The following GAREM1 variants were observed in gnomAD, a reference collection of about 807,000 sequenced individuals.
GAREM1 encodes GRB2 associated regulator of MAPK1 subtype 1.
A neutral mutation model predicts 71.3 loss-of-function variants in GAREM1; 26 were observed. The observed-to-expected ratio is 0.36, with a 90% CI of 0.27 to 0.51. The LOEUF (loss-of-function observed/expected upper bound fraction) is 0.51. GAREM1 is among the 20% of genes least tolerant of loss of function. GAREM1 has a pLI of 0.95. For synonymous variants in GAREM1, 440 were observed against 433.2 expected (o/e 1.02, Z -0.20); for missense variants, 1,026 against 1,103.1 (o/e 0.93, Z 0.99).
At chr18:32,428,647 A>G (rs1423818661) in intron 1 of GAREM1, among the ~76,000 whole-genome samples, 1 of 152,212 alleles carries the variant, frequency 6.6e-6, no homozygotes, top group Non-Finnish European at 1.5e-5. Context: ...TGAACCAATT[A>G]GACCTCTTTT....
chr18:32,374,992 C>T lies in GAREM1; in HGVS notation c.262+17903G>A, dbSNP rs188933945. On this transcript the variant is annotated intron_variant, in intron 2 of 5. Coordinates refer to ENST00000269209, the MANE Select transcript of GAREM1 (RefSeq NM_001242409.2). Reference sequence around the variant, plus strand: ...TTATTTCAAGCACAAAAGACATCTACTTTCTCCTAAAGAAGAAGCTAAATA... The same window carrying T: ...TTATTTCAAGCACAAAAGACATCTATTTTCTCCTAAAGAAGAAGCTAAATA... 7.7e-4 allele frequency among the ~76,000 whole-genome samples: 117 copies of T among 152,268 alleles called. 1 individual carries two copies. The East Asian group carries it at 0.018, about 24-fold the overall frequency.
At chr18:32,299,860 A>G (rs2047182541) in intron 3 of GAREM1, among the ~76,000 whole-genome samples, 1 of 152,214 alleles carries the variant, frequency 6.6e-6, no homozygotes, top group Non-Finnish European at 1.5e-5. Flanking sequence ...CAAGAAGCAA[A>G]TAAGACAGCA....
chr18:32,276,966 C>T (rs113632859), intron 4 of GAREM1, among the ~76,000 whole-genome samples: 1 of 152,062 alleles, frequency 6.6e-6, no homozygotes, highest in South Asian at 2.1e-4. Flanking sequence ...GTCAAGGAAG[C>T]CAAGGGAGGG....
At chr18:32,326,398 G>A (rs2047475611) in intron 2 of GAREM1, among the ~76,000 whole-genome samples, 1 of 152,120 alleles carries the variant, frequency 6.6e-6, no homozygotes, top group South Asian at 2.1e-4. Context: ...ATGCTTGTTA[G>A]GAATCAGTCA....
intron 2 of GAREM1, among the ~76,000 whole-genome samples, chr18:32,361,565 G>A (rs2047866264): frequency 6.6e-6 from 1 of 152,126 alleles, no homozygotes; most frequent in Non-Finnish European, 1.5e-5. Context: ...TTTACACAGA[G>A]AATTAGTTTC....
At chr18:32,369,683 C>G (rs1478415190) in intron 2 of GAREM1, among the ~76,000 whole-genome samples, 1 of 152,212 alleles carries the variant, frequency 6.6e-6, no homozygotes, top group Non-Finnish European at 1.5e-5. Flanking sequence ...CATTCAAGCA[C>G]ATTTCTTTAA....
At chr18:32,348,569 C>A (rs568126978) in intron 2 of GAREM1, among the ~76,000 whole-genome samples, 1 of 151,722 alleles carries the variant, frequency 6.6e-6, no homozygotes, top group African/African-American at 2.4e-5. Context: ...ACTAAAAATA[C>A]GAAAATTAGC....
intron 2 of GAREM1, among the ~76,000 whole-genome samples, chr18:32,321,397 G>A (rs966776326): frequency 5.9e-5 from 9 of 152,082 alleles, no homozygotes. Flanking sequence ...GTGCATGGCC[G>A]TCTTCCTCTC....
At chr18:32,346,633 T>C (rs1278299880) in intron 2 of GAREM1, among the ~76,000 whole-genome samples, 1 of 152,238 alleles carries the variant, frequency 6.6e-6, no homozygotes, top group Non-Finnish European at 1.5e-5. Flanking sequence ...GTTCTGCTTA[T>C]GTTTTTATGC....
intron 3 of GAREM1, 92 bp from the exon 4 acceptor site, chr18:32,288,295 G>C (rs539322057): frequency 1.9e-5 from 19 of 1,014,102 alleles, no homozygotes; most frequent in Admixed American, 5.5e-5. Flanking sequence ...TACACACACA[G>C]AGGAAAATGC....
intron 3 of GAREM1, among the ~76,000 whole-genome samples, chr18:32,302,963 C>A (rs2047215033): frequency 6.6e-6 from 1 of 152,198 alleles, no homozygotes. Flanking sequence ...AGCTGATAGG[C>A]TGATGACAAG....
chr18:32,432,319 A>G (rs991285287), intron 1 of GAREM1, among the ~76,000 whole-genome samples: 2 of 152,142 alleles, frequency 1.3e-5, no homozygotes, highest in Admixed American at 6.5e-5. Flanking sequence ...AAAAGTAGAA[A>G]GGGCTCAAAT....
intron 3 of GAREM1, among the ~76,000 whole-genome samples, chr18:32,289,309 T>C (rs143276076): frequency 5.9e-5 from 9 of 152,140 alleles, no homozygotes; most frequent in African/African-American, 1.9e-4. Context: ...GTTATACTTA[T>C]TTATACTTTT....
In GAREM1 at chr18:32,303,340, T is replaced by C. The variant is rs114827958; in HGVS notation, c.393+6853A>G. Among the ~76,000 whole-genome samples the C allele has an allele frequency of 4.7e-3, 711 of 152,256 alleles. 8 individuals carry two copies. Among genetic ancestry groups the C allele is most frequent in the African/African-American group, 0.016 (685 of 41,552 alleles). On this transcript the variant is annotated intron_variant, in intron 3 of 5. Coordinates refer to ENST00000269209, the MANE Select transcript of GAREM1 (RefSeq NM_001242409.2). ...AATGCCAAATCGAAGGCCACCTTTT[T>C]CCCCTCTCTCTCCACAACTGTCATA...
intron 2 of GAREM1, among the ~76,000 whole-genome samples, chr18:32,310,769 AT>A (rs5823839): frequency 0.066 from 9,759 of 148,124 alleles, 344 homozygotes; most frequent in African/African-American, 0.089. Flanking sequence ...TTAGTATTAA[AT>A]TTTTTTTTTT....
rs191024446 is a variant in GAREM1, at chr18:32,335,830, C to G, written c.263-25507G>C. 1.5e-3 allele frequency among the ~76,000 whole-genome samples: 236 copies of G among 152,276 alleles called. 1 individual carries two copies. Among genetic ancestry groups the G allele is most frequent in the African/African-American group, 5.4e-3 (225 of 41,552 alleles). On this transcript the variant is annotated intron_variant, in intron 2 of 5. Coordinates refer to ENST00000269209, the MANE Select transcript of GAREM1 (RefSeq NM_001242409.2). ...AATTCTAGTTGCAATTCAGGAAATG[C>G]TTTCTGGGTTGATGCTTAATTGATC...
chr18:32,315,031 G>A (rs960861979), intron 2 of GAREM1, among the ~76,000 whole-genome samples: 2 of 152,060 alleles, frequency 1.3e-5, no homozygotes, highest in Admixed American at 1.3e-4. Context: ...TTTATGATGA[G>A]TATTTTAGAA....
chr18:32,454,727 T>C (rs758435299), intron 1 of GAREM1, among the ~76,000 whole-genome samples: 2 of 152,246 alleles, frequency 1.3e-5, no homozygotes, highest in African/African-American at 2.4e-5. Context: ...GCTGGAATCA[T>C]CACTTCTTTC....
chr18:32,450,751 C>T (rs1250246014), intron 1 of GAREM1, among the ~76,000 whole-genome samples: 1 of 152,076 alleles, frequency 6.6e-6, no homozygotes, highest in Non-Finnish European at 1.5e-5. Flanking sequence ...GGTACCTCAC[C>T]CTGTTGAAAG....
Sources: gnomAD v4.1 joint callset for allele counts (sites outside exome capture counted in the v4.1 genomes callset) on GRCh38, gnomAD v4.1.1 for gene constraint, MANE v1.5 for transcripts, NCBI Gene and HGNC (gene_info 2026-07-23, HGNC 2026-07-21) for gene names.